AKAP17A: variants seen among roughly 807,000 people sequenced by gnomAD.
AKAP17A encodes A-kinase anchoring protein 17A.
In AKAP17A, 15 loss-of-function variants were observed where a neutral mutation model predicts 52.2. That is an observed-to-expected ratio of 0.29 (90% CI 0.19 to 0.44). The LOEUF (loss-of-function observed/expected upper bound fraction) is 0.44, where lower values mean the gene tolerates loss of function less well. AKAP17A is among the 20% of genes least tolerant of loss of function. AKAP17A has a pLI of 1.00. For missense variants in AKAP17A, 1,060 were observed against 1,007.0 expected (o/e 1.05, Z -0.71); for synonymous variants, 514 against 424.7 (o/e 1.21, Z -2.58).
chrX:1,596,237 A>AC lies in AKAP17A; in HGVS notation c.911+705_911+706insC, dbSNP rs1470410374. Among the ~76,000 whole-genome samples the AC allele has an allele frequency of 6.4e-3, 970 of 151,132 alleles. 9 individuals are homozygous for AC. Among genetic ancestry groups the AC allele is most frequent in the South Asian group, 0.051 (244 of 4,782 alleles). ...GTGATGGCCAGATTTAAAAAAAAAA[A>AC]AAAAAACAAAAAACCAATGATAGGA... On this transcript the variant is annotated intron_variant, in intron 3 of 4. Transcript: ENST00000313871.
rs1270226073 is a variant in AKAP17A at position 1,591,660 on chromosome X, G to T, written c.-129G>T. ...GGCGTCGGAGGCGCCTCCGGGGGACGGTGGCGGCTCCCGGCGGTGAGGCCG... is the reference window on the plus strand; with the variant it reads ...GGCGTCGGAGGCGCCTCCGGGGGACTGTGGCGGCTCCCGGCGGTGAGGCCG... On this transcript the variant is annotated 5_prime_UTR_variant, in exon 1 of 5. Coordinates refer to ENST00000313871, the MANE Select transcript of AKAP17A (RefSeq NM_005088.3). 2.6e-5 allele frequency: 4 copies of T among 152,108 alleles called. No individual in the cohort carries two copies. Among genetic ancestry groups the T allele is most frequent in the South Asian group, 4.0e-4 (2 of 5,032 alleles). The allele number at this position is 152,108 out of a possible 1,614,324, so 9.4% of individuals were successfully genotyped here. A position where few individuals can be genotyped will look rare whatever the true frequency, so the allele number is the denominator to read the frequency against.
At chrX:1,598,177 C>T (rs1450028361) in intron 3 of AKAP17A, among the ~76,000 whole-genome samples, 3 of 152,158 alleles carry the variant, frequency 2.0e-5, no homozygotes, top group East Asian at 3.9e-4. Context: ...AGCCGCCCTC[C>T]GAGCTCGTGG....
rs752558439 is a variant in AKAP17A, at chrX:1,598,357, C to T, written c.912-835C>T. On this transcript the variant is annotated intron_variant, in intron 3 of 4. Transcript: ENST00000313871. ...TGCCTTTTCTCCCGGCCTGCTCCTC[C>T]TTGTCCCCGTGTCTCCTCTCCCCTT... Among the ~76,000 whole-genome samples the T allele has an allele frequency of 7.2e-5, 11 of 152,292 alleles. No homozygotes were observed. The East Asian group carries it at 2.1e-3, about 29-fold the overall frequency.
Position 1,601,585 on chromosome X carries a change from G to A in AKAP17A, c.2079G>A (p.Trp693Ter). ...SRSPSRHRST[W>*]NR The stretch of plus-strand genomic sequence containing the variant: ...CCCCGAGCAGGCACCGCAGTACCTG[G>A]AACAGGTAATGACGGGCACGGCCTC... The change falls in exon 5 of 5, where the codon TGG becomes TGA. Residue 693 changes from tryptophan to a stop codon, truncating the protein, a stop_gained. Transcript: ENST00000313871. LOFTEE classifies it high-confidence loss of function. The A allele has an allele frequency of 6.9e-7, 1 of 1,440,744 alleles. No homozygotes were observed. Among genetic ancestry groups the A allele is most frequent in the Non-Finnish European group, 9.0e-7 (1 of 1,105,144 alleles). The allele number at this position is 1,440,744 out of a possible 1,614,324, so 89.2% of individuals were successfully genotyped here. A position where few individuals can be genotyped will look rare whatever the true frequency, so the allele number is the denominator to read the frequency against.
chrX:1,599,312 G>A lies in AKAP17A; in HGVS notation c.1032G>A (p.Leu344=), dbSNP rs1369905170. The A allele has an allele frequency of 6.2e-7, 1 of 1,609,072 alleles. No homozygotes were observed. The highest frequency in any genetic ancestry group is 1.7e-5 in the Admixed American group (1 of 58,952). Residue 344 remains leucine, a synonymous_variant, in exon 4 of 5, where the codon CTG becomes CTA. Coordinates refer to ENST00000313871, the MANE Select transcript of AKAP17A (RefSeq NM_005088.3). ...GGAATCAGAAGAAGCTGGAGAAGCT[G>A]CAGGCGGAGGAGCAGAAGCAGCTGC... ...LRRNQKKLEK[L]QAEEQKQLQE...
At chrX:1,598,993 T>C (rs1603460242) in intron 3 of AKAP17A, among the ~76,000 whole-genome samples, 199 bp from the exon 4 acceptor site, 3 of 152,144 alleles carry the variant, frequency 2.0e-5, no homozygotes, top group South Asian at 2.1e-4. Context: ...TGTTGGAAGG[T>C]CACGGAGGTC....
chrX:1,599,401 G>T lies in AKAP17A; in HGVS notation c.1121G>T (p.Arg374Leu), dbSNP rs1410588920. 4 of 1,571,692 alleles carry T rather than the reference G, an allele frequency of 2.5e-6. No individual in the cohort carries two copies. Among genetic ancestry groups the T allele is most frequent in the Non-Finnish European group, 3.4e-6 (4 of 1,159,770 alleles). Residue 374 changes from arginine (R) to leucine (L), a missense_variant, in exon 4 of 5, where the codon CGG becomes CTG. By Grantham distance (102) the Arg-to-Leu change is moderately radical. Around this residue, in one of 2 missense-constraint regions of AKAP17A, gnomAD observed 793 missense variants for 629.9 expected, o/e 1.26. Coordinates refer to ENST00000313871, the MANE Select transcript of AKAP17A (RefSeq NM_005088.3). ...LLAQRNLQSI[R>L]LIAELLSRAK... The stretch of plus-strand genomic sequence containing the variant: ...GCCCAGAGGAACCTGCAGTCCATCC[G>T]GCTCATCGCCGAGCTGCTCAGCAGA...
intron 1 of AKAP17A, among the ~76,000 whole-genome samples, chrX:1,592,665 C>T (rs1465855753): frequency 6.6e-6 from 1 of 152,080 alleles, no homozygotes; most frequent in Non-Finnish European, 1.5e-5. Context: ...GGTGGGCGGC[C>T]GGGCCGGAGG....
Position 1,599,125 on chromosome X carries a change from G to A in AKAP17A, c.912-67G>A, listed in dbSNP as rs1180032451. 7.8e-5 allele frequency: 123 copies of A among 1,573,660 alleles called. 4 individuals are homozygous for A. Among genetic ancestry groups the A allele is most frequent in the South Asian group, 5.5e-4 (47 of 85,294 alleles). ...CCTGTTCCGCCGTGTTTGGAAAGCC[G>A]CTTGTATGGTGTGTGGTGTGTTGGC... is the stretch of plus-strand genomic sequence containing the variant. On this transcript the variant is annotated intron_variant, in intron 3 of 4. Coordinates refer to ENST00000313871, the MANE Select transcript of AKAP17A (RefSeq NM_005088.3).
chrX:1,597,363 G>C (rs1331488809), intron 3 of AKAP17A, among the ~76,000 whole-genome samples: 2 of 152,208 alleles, frequency 1.3e-5, no homozygotes, highest in Non-Finnish European at 2.9e-5. Context: ...TCAGCCGTCA[G>C]GATTCCCAGG....
chrX:1,595,336 T>G (rs200886417), intron 2 of AKAP17A, 48 bp from the exon 3 acceptor site: 92 of 1,611,038 alleles, frequency 5.7e-5, no homozygotes, highest in African/African-American at 3.3e-4. Context: ...GCCGTGTGTC[T>G]GGGGGGTTTT....
In AKAP17A at chrX:1,599,080, G is replaced by C. The variant is rs191760860; in HGVS notation, c.912-112G>C. On this transcript the variant is annotated intron_variant, in intron 3 of 4. Transcript: ENST00000313871. ...TCCACCTTGGGATAAAGAGTTAAAT[G>C]CTTAATCGTTGGACCGTGGCCTGTT... The C allele has an allele frequency of 7.4e-6, 11 of 1,490,292 alleles. No homozygotes were observed. The South Asian group carries it at 1.1e-4, about 15-fold the overall frequency. The allele number at this position is 1,490,292 out of a possible 1,614,324, so 92.3% of individuals were successfully genotyped here.
chrX:1,592,673 A>G (rs1932859175), intron 1 of AKAP17A, among the ~76,000 whole-genome samples: 1 of 151,918 alleles, frequency 6.6e-6, no homozygotes, highest in Admixed American at 6.6e-5. Context: ...GCCGGGCCGG[A>G]GGCGGTCACC....
At chrX:1,600,369 G>C in intron 4 of AKAP17A, 4 of 639,040 alleles carry the variant, frequency 6.3e-6, no homozygotes, top group Non-Finnish European at 1.1e-5. Context: ...GGCAGGGCTC[G>C]GCTCTGCCCA....
intron 3 of AKAP17A, 110 bp from the exon 4 acceptor site, chrX:1,599,082 T>G: frequency 4.0e-6 from 6 of 1,500,586 alleles, no homozygotes; most frequent in Non-Finnish European, 5.4e-6. Flanking sequence ...AGTTAAATGC[T>G]TAATCGTTGG....
intron 3 of AKAP17A, among the ~76,000 whole-genome samples, chrX:1,595,817 G>A (rs1281778191): frequency 6.6e-6 from 1 of 151,882 alleles, no homozygotes; most frequent in Non-Finnish European, 1.5e-5. Context: ...GTGTGTGTAT[G>A]TGCACGTGTG....
intron 2 of AKAP17A, among the ~76,000 whole-genome samples, chrX:1,594,758 A>G (rs1932909067): frequency 2.0e-5 from 3 of 151,874 alleles, no homozygotes; most frequent in Admixed American, 6.6e-5. Context: ...AGCTGGGACT[A>G]CAGGCGCGTG....
At position 1,601,614 on chromosome X, in the gene AKAP17A, A is replaced by G; in HGVS notation, c.*20A>G. ...AGGTAATGACGGGCACGGCCTCCCC[A>G]CGGCCTGTCCGGGAAAGACCAGGAC... is the stretch of plus-strand genomic sequence containing the variant. On this transcript the variant is annotated 3_prime_UTR_variant, in exon 5 of 5. Transcript: ENST00000313871. 1.4e-6 allele frequency: 2 copies of G among 1,408,158 alleles called. No homozygotes were observed. The highest frequency in any genetic ancestry group is 1.8e-6 in the Non-Finnish European group (2 of 1,088,322). The allele number at this position is 1,408,158 out of a possible 1,614,324, so 87.2% of individuals were successfully genotyped here. A position where few individuals can be genotyped will look rare whatever the true frequency, so the allele number is the denominator to read the frequency against.
chrX:1,597,963 G>A (rs1180121274), intron 3 of AKAP17A, among the ~76,000 whole-genome samples: 1 of 152,174 alleles, frequency 6.6e-6, no homozygotes, highest in Non-Finnish European at 1.5e-5. Context: ...GTCCCCCACT[G>A]TCCTTCCTCA....
Sources: allele counts gnomAD v4.1 joint callset (sites outside exome capture counted in the v4.1 genomes callset), GRCh38; gene constraint gnomAD v4.1.1; regional missense constraint gnomAD v4.1.1; transcripts MANE v1.5; gene names NCBI Gene and HGNC (gene_info 2026-07-23, HGNC 2026-07-21).